The following A2M variants were observed in gnomAD, a reference collection of about 807,000 sequenced individuals.
A2M encodes the protein C3 and PZP-like alpha-2-macroglobulin domain-containing protein 5.
A neutral mutation model predicts 183.9 loss-of-function variants in A2M; 128 were observed. The observed-to-expected ratio is 0.70, with a 90% CI of 0.60 to 0.81. The LOEUF (loss-of-function observed/expected upper bound fraction) is 0.81. Ranked by LOEUF, A2M falls within the 30% of genes least tolerant of loss-of-function variation. The pLI, the probability that A2M is intolerant of heterozygous loss-of-function variation, is 0.00. For synonymous variants in A2M, 592 were observed against 670.8 expected (o/e 0.88, Z 1.81); for missense variants, 1,495 against 1,787.6 (o/e 0.84, Z 2.95).
intron 8 of A2M, 125 bp from the exon 9 acceptor site, chr12:9,106,730 C>A (rs907473125): frequency 1.0e-4 from 47 of 450,484 alleles, no homozygotes; most frequent in Non-Finnish European, 1.7e-4. Flanking sequence ...ATGACGAGGA[C>A]ACAATAAATA....
At chr12:9,080,253 A>G (rs1948871344) in intron 22 of A2M, 76 bp from the exon 23 acceptor site, 1 of 992,706 alleles carries the variant, frequency 1.0e-6, no homozygotes, top group African/African-American at 1.6e-5. Flanking sequence ...ATGACCCAGA[A>G]GCTAGGACTA....
chr12:9,099,231 TC>T lies in A2M; in HGVS notation c.1701+149del. On this transcript the variant is annotated intron_variant, in intron 14 of 35. Coordinates refer to ENST00000318602, the MANE Select transcript of A2M (RefSeq NM_000014.6). ...GTATAAGGAATCAAGTGATTCTGCTTCTTAGTGTGACTCTGCCACTACCTTG... is the reference window on the plus strand; with the variant it reads ...GTATAAGGAATCAAGTGATTCTGCTTTTAGTGTGACTCTGCCACTACCTTG... 6.0e-6 allele frequency: 2 copies of T among 333,486 alleles called. 1 individual carries two copies. The highest frequency in any genetic ancestry group is 1.1e-5 in the Non-Finnish European group (2 of 181,024). 20.7% of individuals were successfully genotyped at this position (333,486 alleles called of 1,614,324 possible).
At position 9,101,533 on chromosome 12, in the gene A2M, A is replaced by G. The variant is rs1168533042; in HGVS notation, c.1408T>C (p.Cys470Arg). ...GCCTGGACTGTCTGAGTATGGCCACAGGGTAGTTCATGAGACATGGGCTCA... is the reference window on the plus strand; with the variant it reads ...GCCTGGACTGTCTGAGTATGGCCACGGGGTAGTTCATGAGACATGGGCTCA... ...HLEPMSHELP[C>R]GHTQTVQAHY... Residue 470 changes from cysteine to arginine, a missense_variant, in exon 12 of 36, where the codon TGT (cysteine) becomes CGT (arginine). Transcript: ENST00000318602. The G allele has an allele frequency of 1.2e-6, 2 of 1,613,896 alleles. No homozygotes were observed. Among genetic ancestry groups the G allele is most frequent in the Non-Finnish European group, 1.7e-6 (2 of 1,179,894 alleles).
At chr12:9,070,913 T>C (rs1030030098) in intron 31 of A2M, among the ~76,000 whole-genome samples, 2 of 151,978 alleles carry the variant, frequency 1.3e-5, no homozygotes, top group Admixed American at 1.3e-4. Context: ...CTCCGCCTCC[T>C]GGGTTCAAGT....
intron 16 of A2M, 51 bp from the exon 17 acceptor site, chr12:9,095,135 A>G: frequency 2.2e-6 from 2 of 929,918 alleles, no homozygotes; most frequent in South Asian, 4.1e-5. Context: ...TAAAATATAC[A>G]TAGGTAGCTA....
At chr12:9,088,750 G>A (rs749638072) in intron 22 of A2M, among the ~76,000 whole-genome samples, 95 of 152,238 alleles carry the variant, frequency 6.2e-4, no homozygotes, top group African/African-American at 2.2e-3. Context: ...ATATTAATAT[G>A]ACAATAATGG....
chr12:9,113,667 G>A (rs1164064885), intron 1 of A2M, 124 bp from the exon 2 acceptor site: 5 of 999,112 alleles, frequency 5.0e-6, no homozygotes, highest in Non-Finnish European at 7.3e-6. Flanking sequence ...GTACTGATGA[G>A]CATGAAATTT....
In A2M at chr12:9,112,477, T is replaced by C. The variant is rs761031696; in HGVS notation, c.330A>G (p.Pro110=). 2 of 1,613,898 alleles carry C rather than the reference T, an allele frequency of 1.2e-6. No individual in the cohort carries two copies. The highest frequency in any genetic ancestry group is 1.7e-6 in the Non-Finnish European group (2 of 1,179,834). ...TGGTCCGCTTCTTAAATTCTTGGGT[T>C]GGTCCTTTCACTTGGACAGTGAGGA... The part of the protein sequence containing the change: ...VMFLTVQVKG[P]TQEFKKRTTV... Residue 110 remains proline (P), a synonymous_variant, in exon 3 of 36, where the codon CCA becomes CCG. Transcript: ENST00000318602.
intron 31 of A2M, among the ~76,000 whole-genome samples, chr12:9,071,501 T>G (rs919045639): frequency 3.3e-5 from 5 of 152,140 alleles, no homozygotes; most frequent in Non-Finnish European, 5.9e-5. Context: ...GGTAAACTCG[T>G]GTCATGGGGG....
At chr12:9,082,449 A>G (rs11615434) in intron 22 of A2M, among the ~76,000 whole-genome samples, 23,856 of 152,196 alleles carry the variant, frequency 0.16, 2,007 homozygotes, top group African/African-American at 0.2. Context: ...CAAACATAAG[A>G]GCAAAGGCAG....
intron 22 of A2M, among the ~76,000 whole-genome samples, chr12:9,084,217 G>T (rs752625222): frequency 6.6e-6 from 1 of 152,036 alleles, no homozygotes; most frequent in South Asian, 2.1e-4. Context: ...GAAACAAAAG[G>T]CCCCTAATTA....
At chr12:9,077,300 T>C (rs770309922) in intron 27 of A2M, 46 bp downstream of exon 27, 24 of 1,540,354 alleles carry the variant, frequency 1.6e-5, no homozygotes, top group East Asian at 2.3e-5. Flanking sequence ...AGCAGTTTCA[T>C]TGCATCCAGA....
rs749812846 is a variant in A2M at position 9,113,535 on chromosome 12, A to G, written c.95T>C (p.Met32Thr). The change falls in exon 2 of 36, where the codon ATG becomes ACG. Residue 32 changes from methionine (M) to threonine (T), a missense_variant. Coordinates refer to ENST00000318602, the MANE Select transcript of A2M (RefSeq NM_000014.6). ...GTGGAGCAGGGAGGGGACCAGAACC[A>G]TATACTGCCTGGGAATGAGACGGTT... ...DASVSGKPQYMVLVPSLLHTE... is the reference protein window; with the variant it reads ...DASVSGKPQYTVLVPSLLHTE... The G allele has an allele frequency of 2.5e-6, 4 of 1,613,648 alleles. No homozygotes were observed. Among genetic ancestry groups the G allele is most frequent in the Non-Finnish European group, 3.4e-6 (4 of 1,179,786 alleles).
chr12:9,116,170 C>G (rs1939105380), upstream of A2M: 1 of 350,478 alleles, frequency 2.9e-6, no homozygotes. Context: ...CCTCTTCTCT[C>G]CCTCACTCCC....
intron 24 of A2M, 109 bp downstream of exon 24, chr12:9,079,530 T>C: frequency 8.8e-7 from 1 of 1,142,202 alleles, no homozygotes; most frequent in Non-Finnish European, 1.3e-6. Flanking sequence ...ATAGCAGCTA[T>C]CATAGTGAGC....
At chr12:9,077,652 T>C in intron 26 of A2M, 49 bp downstream of exon 26, 6 of 1,601,132 alleles carry the variant, frequency 3.7e-6, no homozygotes, top group Non-Finnish European at 5.1e-6. Context: ...ATCCTCATCC[T>C]TGCAGATATC....
At chr12:9,110,269 T>C (rs1445174822) in intron 5 of A2M, 45 bp downstream of exon 5, 2 of 1,388,448 alleles carry the variant, frequency 1.4e-6, no homozygotes, top group Non-Finnish European at 2.0e-6. Context: ...ATTTTCCCTA[T>C]ATGTATTGCT....
chr12:9,077,709 C>T lies in A2M; in HGVS notation c.3268G>A (p.Ala1090Thr), dbSNP rs1948787801. ...FRSSGSLLNN[A>T]IKGGVEDEVT... ...GCTCCAGAATGATTCACCTTTATGG[C>T]ATTGTTGAGCAGTGACCCAGAGCTC... The change falls in exon 26 of 36, where the codon GCC becomes ACC. Residue 1090 changes from alanine (A) to threonine (T), a missense_variant. By Grantham distance (58) the Ala-to-Thr change is moderately conservative. Coordinates refer to ENST00000318602, the MANE Select transcript of A2M (RefSeq NM_000014.6). 1 of 1,613,986 alleles carries T rather than the reference C, an allele frequency of 6.2e-7. No homozygotes were observed. Among genetic ancestry groups the T allele is most frequent in the Non-Finnish European group, 8.5e-7 (1 of 1,179,932 alleles).
chr12:9,075,891 G>T (rs1321106943), intron 28 of A2M, among the ~76,000 whole-genome samples: 1 of 152,116 alleles, frequency 6.6e-6, no homozygotes, highest in African/African-American at 2.4e-5. Flanking sequence ...GTGTTTTCTA[G>T]TTATAGCTTA....
Sources: gnomAD v4.1 joint callset for allele counts (sites outside exome capture counted in the v4.1 genomes callset) on GRCh38, gnomAD v4.1.1 for gene constraint, MANE v1.5 for transcripts, NCBI Gene and HGNC (gene_info 2026-07-23, HGNC 2026-07-21) for gene names.